The following GOLGB1 variants were observed in gnomAD, a reference collection of about 807,000 sequenced individuals.
GOLGB1 encodes the protein golgin subfamily B member 1.
GOLGB1 carries 174 observed loss-of-function variants against 336.9 expected under a neutral mutation model. The ratio of observed to expected loss-of-function variants is 0.52; its 90% CI spans 0.46 to 0.59. The LOEUF (loss-of-function observed/expected upper bound fraction) is 0.59, where lower values mean the gene tolerates loss of function less well. GOLGB1 is among the 20% of genes least tolerant of loss of function. The pLI is 0.00. For synonymous variants in GOLGB1, 1,208 were observed against 1,289.2 expected (o/e 0.94, Z 1.35); for missense variants, 3,331 against 3,645.3 (o/e 0.91, Z 2.22).
chr3:121,698,279 A>G lies in GOLGB1; in HGVS notation c.2244T>C (p.Ser748=). The G allele has an allele frequency of 3.7e-6, 6 of 1,613,996 alleles. No individual in the cohort carries two copies. The highest frequency in any genetic ancestry group is 5.1e-6 in the Non-Finnish European group (6 of 1,179,922). ...DNNSSAFTAL[S]EERDQLLSQV... is the part of the protein sequence containing the mutation. ...GAGAGAGAAGCTGGTCTCTTTCTTC[A>G]GACAAAGCAGTGAATGCACTGCTGT... Residue 748 remains serine, a synonymous_variant, in exon 13 of 22, where the codon TCT becomes TCC. Coordinates refer to ENST00000614479, the MANE Select transcript of GOLGB1 (RefSeq NM_001366282.2).
intron 16 of GOLGB1, 54 bp downstream of exon 16, chr3:121,677,231 A>G (rs1940525016): frequency 9.3e-6 from 13 of 1,397,120 alleles, no homozygotes; most frequent in East Asian, 2.3e-5. Context: ...TGCAATCATC[A>G]TCATTTGTTT....
intron 1 of GOLGB1, among the ~76,000 whole-genome samples, chr3:121,737,246 A>G (rs543706769): frequency 6.6e-6 from 1 of 152,374 alleles, no homozygotes; most frequent in East Asian, 1.9e-4. Flanking sequence ...AATGAGAAGC[A>G]TATTAATGCT....
intron 5 of GOLGB1, among the ~76,000 whole-genome samples, chr3:121,723,017 G>A (rs1945305623): frequency 6.6e-6 from 1 of 152,090 alleles, no homozygotes; most frequent in Admixed American, 6.5e-5. Context: ...CCTGTACTAA[G>A]AAGAAACTGC....
intron 1 of GOLGB1, among the ~76,000 whole-genome samples, chr3:121,737,097 T>C (rs772484701): frequency 1.2e-4 from 19 of 152,228 alleles, no homozygotes; most frequent in Non-Finnish European, 2.4e-4. Flanking sequence ...GGATGCTTTG[T>C]GTATACAATA....
intron 1 of GOLGB1, among the ~76,000 whole-genome samples, chr3:121,737,002 C>T (rs1188016429): frequency 1.3e-5 from 2 of 152,156 alleles, no homozygotes; most frequent in East Asian, 3.8e-4. Flanking sequence ...TGAATGAAGT[C>T]TACCTATAGT....
intron 2 of GOLGB1, 106 bp from the exon 3 acceptor site, chr3:121,730,123 GTTAAC>G (rs1286756438): frequency 1.5e-5 from 10 of 668,640 alleles, no homozygotes; most frequent in Admixed American, 1.5e-4. Context: ...TCATATTCTT[GTTAAC>G]TTAAGAATCT....
intron 11 of GOLGB1, among the ~76,000 whole-genome samples, chr3:121,702,264 T>C (rs1008060833): frequency 2.6e-5 from 4 of 152,202 alleles, no homozygotes; most frequent in African/African-American, 9.6e-5. Flanking sequence ...TCCTGCAGCA[T>C]GTATAGTCCA....
Position 121,730,906 on chromosome 3 carries a change from A to T in GOLGB1, c.66T>A (p.Thr22=), listed in dbSNP as rs145094830. 4.3e-6 allele frequency: 7 copies of T among 1,612,010 alleles called. No individual in the cohort carries two copies. The highest frequency in any genetic ancestry group is 5.9e-6 in the Non-Finnish European group (7 of 1,178,288). ...VLHELSGDDD[T]DQNMRAPLDP... ...CTAGGGGAGCCCTCATATTCTGATC[A>T]GTGTCATCATCTCCTGATAATTCAT... The change falls in exon 2 of 22, where the codon ACT becomes ACA. Residue 22 remains threonine, a synonymous_variant. Coordinates refer to ENST00000614479, the MANE Select transcript of GOLGB1 (RefSeq NM_001366282.2).
chr3:121,726,133 A>C (rs1945575573), intron 5 of GOLGB1, among the ~76,000 whole-genome samples: 1 of 151,868 alleles, frequency 6.6e-6, no homozygotes, highest in Admixed American at 6.6e-5. Context: ...AGTTTTTAAA[A>C]ATTAAGAAAA....
chr3:121,699,835 C>G lies in GOLGB1; in HGVS notation c.1570G>C (p.Glu524Gln). ...ACCTCACTGACTTCTCTGTCTGCCT[C>G]CCCAGTTCTATTCTGAGCCTCTAGG... ...TLLEAQNRTG[E>Q]ADREVSEISI... The change falls in exon 12 of 22, where the codon GAG becomes CAG. Residue 524 changes from glutamate (E) to glutamine (Q), a missense_variant. By Grantham distance (29) the Glu-to-Gln change is conservative. Transcript: ENST00000614479. 10 of 1,604,134 alleles carry G rather than the reference C, an allele frequency of 6.2e-6. No individual in the cohort carries two copies. The highest frequency in any genetic ancestry group is 1.3e-5 in the African/African-American group (1 of 74,800).
chr3:121,724,809 A>C (rs1945456627), intron 5 of GOLGB1, among the ~76,000 whole-genome samples: 1 of 152,182 alleles, frequency 6.6e-6, no homozygotes, highest in Non-Finnish European at 1.5e-5. Context: ...AAGAGGACAG[A>C]ATGGTTTCTG....
intron 20 of GOLGB1, among the ~76,000 whole-genome samples, chr3:121,665,845 C>G (rs1452260799): frequency 1.3e-5 from 2 of 152,190 alleles, no homozygotes; most frequent in Admixed American, 6.5e-5. Context: ...TTCTTGGGCT[C>G]TCTGCAGGAC....
At chr3:121,679,290 A>T (rs1428648121) in intron 15 of GOLGB1, among the ~76,000 whole-genome samples, 1 of 152,222 alleles carries the variant, frequency 6.6e-6, no homozygotes, top group Non-Finnish European at 1.5e-5. Flanking sequence ...TCCAATCCCA[A>T]GCATTTCAGA....
At chr3:121,725,119 G>A (rs1167737860) in intron 5 of GOLGB1, among the ~76,000 whole-genome samples, 1 of 152,152 alleles carries the variant, frequency 6.6e-6, no homozygotes, top group African/African-American at 2.4e-5. Flanking sequence ...CTAGAGCAAT[G>A]CCAAGGGGAA....
intron 1 of GOLGB1, 108 bp from the exon 2 acceptor site, chr3:121,731,081 G>T: frequency 9.0e-7 from 1 of 1,109,976 alleles, no homozygotes. Flanking sequence ...ATACTGTACA[G>T]GTGATTTGTA....
Position 121,735,225 on chromosome 3 carries a change from T to C in GOLGB1, c.-2-4252A>G, listed in dbSNP as rs1258502918. On this transcript the variant is annotated intron_variant, in intron 1 of 21. Coordinates refer to ENST00000614479, the MANE Select transcript of GOLGB1 (RefSeq NM_001366282.2). ...TCTTGAAGTAGTAAATTCATAACCATATGCATTTGTCAAAACTCACTGAAC... is the reference window on the plus strand; with the variant it reads ...TCTTGAAGTAGTAAATTCATAACCACATGCATTTGTCAAAACTCACTGAAC... Among the ~76,000 whole-genome samples the C allele has an allele frequency of 2.6e-5, 4 of 152,188 alleles. No homozygotes were observed. In the East Asian group the frequency reaches 5.8e-4, roughly 22 times the overall value.
chr3:121,707,097 G>A (rs1009472770), intron 10 of GOLGB1, among the ~76,000 whole-genome samples: 1 of 151,254 alleles, frequency 6.6e-6, no homozygotes, highest in Non-Finnish European at 1.5e-5. Flanking sequence ...TGTGGTGGTG[G>A]GTGCCTGTAG....
At position 121,668,142 on chromosome 3, in the gene GOLGB1, T is replaced by C. The variant is rs755051134; in HGVS notation, c.9338A>G (p.Asp3113Gly). The stretch of plus-strand genomic sequence containing the variant: ...TTCCTGGGGAGCTCCTGGAGCAACA[T>C]CTATATTTAGTGGCCCCTGGAAGAA... ...QELQAGPLNIDVAPGAPQEKN... is the reference protein window; with the variant it reads ...QELQAGPLNIGVAPGAPQEKN... The change falls in exon 19 of 22, where the codon GAT becomes GGT. Residue 3113 changes from aspartate (D) to glycine (G), a missense_variant. Physicochemically the swap from Asp to Gly is moderately conservative, Grantham distance 94. Coordinates refer to ENST00000614479, the MANE Select transcript of GOLGB1 (RefSeq NM_001366282.2). 33 of 1,595,162 alleles carry C rather than the reference T, an allele frequency of 2.1e-5. No individual in the cohort carries two copies. Among genetic ancestry groups the C allele is most frequent in the Non-Finnish European group, 2.7e-5 (32 of 1,166,218 alleles).
In GOLGB1 at chr3:121,719,509, A is replaced by G; in HGVS notation, c.771+137T>C. ...AAATAAATAATTTTTATGCAACAGA[A>G]GACAAGGACACAAAAGAGGCCAATA... On this transcript the variant is annotated intron_variant, in intron 7 of 21. Coordinates refer to ENST00000614479, the MANE Select transcript of GOLGB1 (RefSeq NM_001366282.2). The G allele has an allele frequency of 2.0e-5, 10 of 493,616 alleles. No individual in the cohort carries two copies. In the South Asian group the frequency reaches 5.8e-4, roughly 28 times the overall value. The allele number at this position is 493,616 out of a possible 1,614,324, so 30.6% of individuals were successfully genotyped here.
Sources: allele counts gnomAD v4.1 joint callset (sites outside exome capture counted in the v4.1 genomes callset), GRCh38; gene constraint gnomAD v4.1.1; transcripts MANE v1.5; gene names NCBI Gene and HGNC (gene_info 2026-07-23, HGNC 2026-07-21).